ZNF471: variants seen among roughly 807,000 people sequenced by gnomAD.
ZNF471 encodes the protein zinc finger protein 471.
A neutral mutation model predicts 13.7 loss-of-function variants in ZNF471; 7 were observed. The observed-to-expected ratio is 0.51, with a 90% CI of 0.29 to 0.96. ZNF471 has a LOEUF of 0.96. Among genes scored for constraint, ZNF471 ranks in the 40% least tolerant of loss-of-function variants. The probability of loss-of-function intolerance (pLI) is 0.08; values close to 1 mark genes in which losing one functional copy is unlikely to be tolerated. For missense variants in ZNF471, 663 were observed against 743.3 expected (o/e 0.89, Z 1.26); for synonymous variants, 218 against 235.6 (o/e 0.93, Z 0.68).
At position 56,513,240 on chromosome 19, in the gene ZNF471, G is replaced by C. The variant is rs538105104; in HGVS notation, c.33+1636G>C. Among the ~76,000 whole-genome samples the C allele has an allele frequency of 3.9e-5, 6 of 152,272 alleles. No individual in the cohort carries two copies. The South Asian group carries it at 1.2e-3, about 32-fold the overall frequency. Reference sequence around the variant, plus strand: ...TCTTGATTATTTTAGTTTTAGAAATGATCCAGTAACCTACTACTATAGATG... The same window carrying C: ...TCTTGATTATTTTAGTTTTAGAAATCATCCAGTAACCTACTACTATAGATG... On this transcript the variant is annotated intron_variant, in intron 2 of 4. Coordinates refer to ENST00000308031, the MANE Select transcript of ZNF471 (RefSeq NM_020813.4).
intron 4 of ZNF471, among the ~76,000 whole-genome samples, chr19:56,521,638 CAAAA>C (rs372849279): frequency 2.4e-5 from 2 of 82,098 alleles, no homozygotes; most frequent in African/African-American, 9.5e-5. Flanking sequence ...GACTCTGTCT[CAAAA>C]AAAAAAAAAA....
rs1290679491 is a variant in ZNF471 at position 56,529,707 on chromosome 19, A to G, written c.*3759A>G. 2 of 152,234 alleles carry G rather than the reference A, an allele frequency of 1.3e-5. No individual in the cohort carries two copies. Among genetic ancestry groups the G allele is most frequent in the Non-Finnish European group, 2.9e-5 (2 of 68,030 alleles). 9.4% of individuals were successfully genotyped at this position (152,234 alleles called of 1,614,324 possible). A position where few individuals can be genotyped will look rare whatever the true frequency, so the allele number is the denominator to read the frequency against. ...AATAGAAGAAGTTCTCAACCTCACT[A>G]ATGATCAGATAAGTGCAGATTGTAA... On this transcript the variant is annotated 3_prime_UTR_variant, in exon 5 of 5. Coordinates refer to ENST00000308031, the MANE Select transcript of ZNF471 (RefSeq NM_020813.4).
At chr19:56,519,646 T>A (rs150933845) in intron 4 of ZNF471, among the ~76,000 whole-genome samples, 33 of 152,362 alleles carry the variant, frequency 2.2e-4, no homozygotes, top group African/African-American at 7.9e-4. Context: ...CTCCTTTCCC[T>A]TCTGTAACAG....
At position 56,511,670 on chromosome 19, in the gene ZNF471, T is replaced by G. The variant is rs1339735914; in HGVS notation, c.33+66T>G. The G allele has an allele frequency of 3.6e-5, 48 of 1,328,002 alleles. 1 individual carries two copies. In the South Asian group the frequency reaches 5.2e-4, roughly 14 times the overall value. 82.3% of individuals were successfully genotyped at this position (1,328,002 alleles called of 1,614,324 possible). On this transcript the variant is annotated intron_variant, in intron 2 of 4. Transcript: ENST00000308031. ...GCTGTTTAGGACTTTTTGTAATGCT[T>G]CTTTTCTTTTGAAAATTCCCTGATT...
rs2044040252 is a variant in ZNF471, at chr19:56,525,880, G to A, written c.1813G>A (p.Gly605Arg). 6.3e-7 allele frequency: 1 copy of A among 1,596,350 alleles called. No homozygotes were observed. The highest frequency in any genetic ancestry group is 8.5e-7 in the Non-Finnish European group (1 of 1,174,738). Reference sequence around the variant, plus strand: ...AAGGCCCTATCAGTGTTTTGAATGTGGGAAGGCGTTCAGAAGAAAGTTATC... The same window carrying A: ...AAGGCCCTATCAGTGTTTTGAATGTAGGAAGGCGTTCAGAAGAAAGTTATC... ...GQRPYQCFEC[G>R]KAFRRKLSLI... The change falls in exon 5 of 5, where the codon GGG becomes AGG. Residue 605 changes from glycine to arginine, a missense_variant. By Grantham distance (125) the Gly-to-Arg change is moderately radical. Coordinates refer to ENST00000308031, the MANE Select transcript of ZNF471 (RefSeq NM_020813.4).
intron 3 of ZNF471, among the ~76,000 whole-genome samples, chr19:56,517,070 G>A (rs2043898080): frequency 6.6e-6 from 1 of 151,094 alleles, no homozygotes; most frequent in African/African-American, 2.4e-5. Flanking sequence ...TTGATATTGT[G>A]CCCTAGGTAA....
At chr19:56,521,705 C>G (rs974417325) in intron 4 of ZNF471, among the ~76,000 whole-genome samples, 1 of 150,214 alleles carries the variant, frequency 6.7e-6, no homozygotes, top group Non-Finnish European at 1.5e-5. Context: ...AATCGCAGCA[C>G]TTTGAGAGGC....
At position 56,508,104 on chromosome 19, in the gene ZNF471, G is replaced by C. The variant is rs2043756622; in HGVS notation, c.-56+184G>C. 2.0e-6 allele frequency: 2 copies of C among 985,318 alleles called. No individual in the cohort carries two copies. The allele number at this position is 985,318 out of a possible 1,614,324, so 61.0% of individuals were successfully genotyped here. A position where few individuals can be genotyped will look rare whatever the true frequency, so the allele number is the denominator to read the frequency against. ...CTGCGGGGCGGAGGCCGCGGCTCGG[G>C]GCTGCTGGGCGTTCGGGGCGGCTTG... On this transcript the variant is annotated intron_variant, in intron 1 of 4. Coordinates refer to ENST00000308031, the MANE Select transcript of ZNF471 (RefSeq NM_020813.4). This position sits in a 1 kb window ranked among gnomAD's most constrained non-coding sequence, Gnocchi z 4.7.
At chr19:56,515,055 C>T (rs1342402540) in intron 2 of ZNF471, among the ~76,000 whole-genome samples, 1 of 152,044 alleles carries the variant, frequency 6.6e-6, no homozygotes, top group Non-Finnish European at 1.5e-5. Flanking sequence ...TTGGGATTTA[C>T]TTCATTGGTT....
Position 56,511,774 on chromosome 19 carries a change from CT to C in ZNF471, c.33+172del, listed in dbSNP as rs1164746753. ...TAATTACCTAATGAGTGAGTAATAG[CT>C]TAGTATAAAAAGTCATGGAGGTCCC... On this transcript the variant is annotated intron_variant, in intron 2 of 4. Transcript: ENST00000308031. Among the ~76,000 whole-genome samples, 47 of 152,278 alleles carry C rather than the reference CT, an allele frequency of 3.1e-4. No individual in the cohort carries two copies. The South Asian group carries it at 9.5e-3, about 31-fold the overall frequency.
Position 56,528,980 on chromosome 19 carries a change from A to G in ZNF471, c.*3032A>G, listed in dbSNP as rs1174784837. 3 of 152,194 alleles carry G rather than the reference A, an allele frequency of 2.0e-5. No individual in the cohort carries two copies. The highest frequency in any genetic ancestry group is 7.2e-5 in the African/African-American group (3 of 41,462). 9.4% of individuals were successfully genotyped at this position (152,194 alleles called of 1,614,324 possible). On this transcript the variant is annotated 3_prime_UTR_variant, in exon 5 of 5. Transcript: ENST00000308031. ...TTCATGAGGCTAAGTCAACTCTGAT[A>G]TCAAACCAAGGGGAAAGAAATGAAA...
In ZNF471 at chr19:56,526,179, T is replaced by C. The variant is rs2044044405; in HGVS notation, c.*231T>C. 3 of 467,954 alleles carry C rather than the reference T, an allele frequency of 6.4e-6. No homozygotes were observed. The highest frequency in any genetic ancestry group is 1.1e-5 in the Non-Finnish European group (3 of 269,724). 29.0% of individuals were successfully genotyped at this position (467,954 alleles called of 1,614,324 possible). A position where few individuals can be genotyped will look rare whatever the true frequency, so the allele number is the denominator to read the frequency against. On this transcript the variant is annotated 3_prime_UTR_variant, in exon 5 of 5. Coordinates refer to ENST00000308031, the MANE Select transcript of ZNF471 (RefSeq NM_020813.4). ...AGCTGAGGTACCTGGCTCATCTCAT[T>C]GGGACTGGTTAGACAGTGGGTGCAG...
At chr19:56,515,022 AC>A (rs2043862896) in intron 2 of ZNF471, among the ~76,000 whole-genome samples, 1 of 152,208 alleles carries the variant, frequency 6.6e-6, no homozygotes, top group Non-Finnish European at 1.5e-5. Context: ...AAAAAGAATT[AC>A]AAGCTCTTCA....
intron 2 of ZNF471, among the ~76,000 whole-genome samples, chr19:56,515,564 C>T (rs996717105): frequency 2.0e-5 from 3 of 152,010 alleles, no homozygotes; most frequent in South Asian, 2.1e-4. Flanking sequence ...CTGTTTAAAG[C>T]GAATTAAAAT....
chr19:56,511,084 CTTTTTCTTTTGTTTTTTTT>C (rs2147902467), intron 1 of ZNF471: 2 of 940,624 alleles, frequency 2.1e-6, no homozygotes, highest in Non-Finnish European at 2.5e-6. Flanking sequence ...TCAGATTTTC[CTTTTTCTTTTGTTTTTTTT>C]TTTTTCCCAA....
At chr19:56,509,858 T>G (rs2147900219) in intron 1 of ZNF471, 1 of 985,360 alleles carries the variant, frequency 1.0e-6, no homozygotes, top group East Asian at 1.1e-4. Flanking sequence ...TATCAGGGAC[T>G]GGATTGTGAG....
At chr19:56,513,158 C>G (rs1482697303) in intron 2 of ZNF471, among the ~76,000 whole-genome samples, 1 of 152,174 alleles carries the variant, frequency 6.6e-6, no homozygotes, top group East Asian at 1.9e-4. Flanking sequence ...ATACAACTTA[C>G]TGTCTTTAGT....
At chr19:56,520,953 C>A (rs1203065131) in intron 4 of ZNF471, among the ~76,000 whole-genome samples, 1 of 152,208 alleles carries the variant, frequency 6.6e-6, no homozygotes, top group Non-Finnish European at 1.5e-5. Context: ...TTTAGTGCCA[C>A]ATGGCTGGGG....
In ZNF471 at chr19:56,518,462, T is replaced by C; in HGVS notation, c.161-20T>C. The C allele has an allele frequency of 1.3e-6, 2 of 1,598,332 alleles. No individual in the cohort carries two copies. Among genetic ancestry groups the C allele is most frequent in the Non-Finnish European group, 1.7e-6 (2 of 1,169,070 alleles). On this transcript the variant is annotated intron_variant, in intron 3 of 4. Coordinates refer to ENST00000308031, the MANE Select transcript of ZNF471 (RefSeq NM_020813.4). ...TAACCCAAAACATGACCAATTTTCATGTCTTTTTTTTATATGTAGGTCTTT... is the reference window on the plus strand; with the variant it reads ...TAACCCAAAACATGACCAATTTTCACGTCTTTTTTTTATATGTAGGTCTTT...
Sources: gnomAD v4.1 joint callset for allele counts (sites outside exome capture counted in the v4.1 genomes callset) on GRCh38, gnomAD v4.1.1 for gene constraint, Gnocchi (gnomAD v3.1) non-coding constraint, MANE v1.5 for transcripts, NCBI Gene and HGNC (gene_info 2026-07-23, HGNC 2026-07-21) for gene names.